Variants in ROBO1 observed in about 807,000 individuals in gnomAD.
The protein encoded by ROBO1 is roundabout homolog 1.
In ROBO1, 149 loss-of-function variants were observed where a neutral mutation model predicts 195.9. The ratio of observed to expected loss-of-function variants is 0.76; its 90% CI spans 0.67 to 0.87. The LOEUF (loss-of-function observed/expected upper bound fraction) is 0.87. ROBO1 is among the 40% of genes least tolerant of loss of function. The pLI is 0.00. For missense variants in ROBO1, 1,933 were observed against 2,068.3 expected (o/e 0.93, Z 1.27); for synonymous variants, 816 against 733.2 (o/e 1.11, Z -1.82).
intron 4 of ROBO1, among the ~76,000 whole-genome samples, chr3:78,788,416 CCT>C (rs1265310251): frequency 7.2e-6 from 1 of 138,664 alleles, no homozygotes; most frequent in African/African-American, 2.7e-5. Flanking sequence ...CCGCTCCCAG[CCT>C]CTCTTTTCTT....
At chr3:78,632,523 C>T (rs1026384214) in intron 24 of ROBO1, among the ~76,000 whole-genome samples, 1 of 152,204 alleles carries the variant, frequency 6.6e-6, no homozygotes, top group African/African-American at 2.4e-5. Flanking sequence ...TCCTGATATA[C>T]ATCTACTGTA....
At chr3:79,722,677 GT>G (rs2107303715) in intron 1 of ROBO1, among the ~76,000 whole-genome samples, 1 of 152,302 alleles carries the variant, frequency 6.6e-6, no homozygotes, top group South Asian at 2.1e-4. Context: ...TCAGCAGTTG[GT>G]TTTGTTTTTC....
intron 2 of ROBO1, among the ~76,000 whole-genome samples, chr3:79,352,842 G>C (rs964156096): frequency 6.6e-6 from 1 of 152,130 alleles, no homozygotes; most frequent in African/African-American, 2.4e-5. Context: ...ATGATTTATA[G>C]ATGTCTATTT....
intron 1 of ROBO1, among the ~76,000 whole-genome samples, chr3:79,634,031 T>C (rs931328989): frequency 6.6e-6 from 1 of 152,014 alleles, no homozygotes; most frequent in African/African-American, 2.4e-5. Flanking sequence ...AAGAGTGAGT[T>C]TGAATAAATG....
At chr3:79,574,737 C>T (rs1237481910) in intron 2 of ROBO1, among the ~76,000 whole-genome samples, 1 of 151,516 alleles carries the variant, frequency 6.6e-6, no homozygotes. Context: ...TCAGGTTTAC[C>T]ATATAATAAA....
In ROBO1 at chr3:79,369,225, T is replaced by C. The variant is rs141322464; in HGVS notation, c.88+220599A>G. On this transcript the variant is annotated intron_variant, in intron 2 of 30. Transcript: ENST00000464233. ...CAAAACTCAATCCAGAGAGATACTGTCTTTTTCCTTCTTCCTGCTTTAAAA... is the reference window on the plus strand; with the variant it reads ...CAAAACTCAATCCAGAGAGATACTGCCTTTTTCCTTCTTCCTGCTTTAAAA... Among the ~76,000 whole-genome samples, 373 of 152,334 alleles carry C rather than the reference T, an allele frequency of 2.4e-3. 2 individuals carry two copies. Among genetic ancestry groups the C allele is most frequent in the African/African-American group, 7.6e-3 (318 of 41,576 alleles).
intron 1 of ROBO1, among the ~76,000 whole-genome samples, chr3:79,609,977 A>G (rs1390880830): frequency 6.6e-6 from 1 of 151,972 alleles, no homozygotes; most frequent in Non-Finnish European, 1.5e-5. Flanking sequence ...TGAACTGTAT[A>G]GGTAAAGATG....
intron 2 of ROBO1, among the ~76,000 whole-genome samples, chr3:79,242,929 C>T (rs1443251684): frequency 1.3e-5 from 2 of 151,614 alleles, no homozygotes; most frequent in East Asian, 3.9e-4. Context: ...TGTGCTGCAC[C>T]TATTAACTCA....
At chr3:79,261,042 A>G (rs2082929586) in intron 2 of ROBO1, among the ~76,000 whole-genome samples, 1 of 152,076 alleles carries the variant, frequency 6.6e-6, no homozygotes, top group African/African-American at 2.4e-5. Flanking sequence ...AGTGTTTTTA[A>G]CCATTACATA....
rs556749927 is a variant in ROBO1, at chr3:79,284,177, G to T, written c.89-158638C>A. ...CCCAATTTGGCACCCTAGATATGTC[G>T]ATGTTCTTTCTTTTTTGATTTGTAA... is the stretch of plus-strand genomic sequence containing the variant. On this transcript the variant is annotated intron_variant, in intron 2 of 30. Transcript: ENST00000464233. 2.0e-3 allele frequency among the ~76,000 whole-genome samples: 310 copies of T among 151,592 alleles called. 2 individuals are homozygous for T. The highest frequency in any genetic ancestry group is 7.0e-3 in the African/African-American group (290 of 41,318).
intron 2 of ROBO1, among the ~76,000 whole-genome samples, chr3:79,289,230 C>T (rs77234982): frequency 0.03 from 4,604 of 151,958 alleles, 206 homozygotes; most frequent in African/African-American, 0.099. Context: ...GGTGACAGTA[C>T]CATTTGTCTC....
At chr3:78,744,170 C>A (rs1019870450) in intron 5 of ROBO1, among the ~76,000 whole-genome samples, 1 of 152,170 alleles carries the variant, frequency 6.6e-6, no homozygotes, top group Non-Finnish European at 1.5e-5. Context: ...GCATCTATAC[C>A]ATTTCAGTTG....
At chr3:78,882,727 T>C (rs910148149) in intron 4 of ROBO1, among the ~76,000 whole-genome samples, 5 of 152,136 alleles carry the variant, frequency 3.3e-5, no homozygotes, top group Non-Finnish European at 5.9e-5. Flanking sequence ...ATATATTTAA[T>C]TCGTTTACTT....
chr3:79,137,110 A>C (rs2080425713), intron 2 of ROBO1, among the ~76,000 whole-genome samples: 2 of 152,246 alleles, frequency 1.3e-5, no homozygotes, highest in South Asian at 4.1e-4. Flanking sequence ...CAAAGATAGA[A>C]GAACCATGAT....
At chr3:79,606,179 C>T (rs185641867) in intron 1 of ROBO1, among the ~76,000 whole-genome samples, 13 of 151,696 alleles carry the variant, frequency 8.6e-5, no homozygotes, top group African/African-American at 2.9e-4. Flanking sequence ...AAATGCAATG[C>T]GCTATTGTGT....
chr3:79,759,901 C>T, intron 1 of ROBO1, among the ~76,000 whole-genome samples: 1 of 151,824 alleles, frequency 6.6e-6, no homozygotes, highest in East Asian at 1.9e-4. Context: ...GCACATAAAA[C>T]AAAAAATCAA....
intron 2 of ROBO1, among the ~76,000 whole-genome samples, chr3:79,282,307 G>T (rs928522789): frequency 6.6e-6 from 1 of 152,138 alleles, no homozygotes; most frequent in East Asian, 1.9e-4. Flanking sequence ...ACCAAAAAAA[G>T]AACCCTCCTC....
At chr3:79,625,301 A>G (rs1402836274) in intron 1 of ROBO1, among the ~76,000 whole-genome samples, 1 of 151,776 alleles carries the variant, frequency 6.6e-6, no homozygotes, top group Non-Finnish European at 1.5e-5. Flanking sequence ...TACAGAGGCA[A>G]TAACAAACTA....
At chr3:78,787,348 T>G (rs2083867487) in intron 4 of ROBO1, among the ~76,000 whole-genome samples, 1 of 152,222 alleles carries the variant, frequency 6.6e-6, no homozygotes, top group African/African-American at 2.4e-5. Context: ...ATTTAGGACA[T>G]AAAAAGCAGT....
Sources: allele counts gnomAD v4.1 joint callset (sites outside exome capture counted in the v4.1 genomes callset), GRCh38; gene constraint gnomAD v4.1.1; transcripts MANE v1.5; gene names NCBI Gene and HGNC (gene_info 2026-07-23, HGNC 2026-07-21).